The following TTC3 variants were observed in gnomAD, a reference collection of about 807,000 sequenced individuals.
TTC3 encodes the protein tetratricopeptide repeat domain 3.
In TTC3, 180 loss-of-function variants were observed where a neutral mutation model predicts 249.6. That is an observed-to-expected ratio of 0.72 (90% CI 0.64 to 0.82). TTC3 has a LOEUF of 0.82. Among genes scored for constraint, TTC3 ranks in the 40% least tolerant of loss-of-function variants. TTC3 has a pLI of 0.00. For missense variants in TTC3, 2,061 were observed against 2,398.4 expected, an observed-to-expected ratio of 0.86 and a Z score of 2.94; for synonymous variants, 717 against 805.0, an observed-to-expected ratio of 0.89 and a Z score of 1.85.
intron 23 of TTC3, 59 bp downstream of exon 23, chr21:37,148,706 C>T: frequency 8.7e-7 from 1 of 1,150,062 alleles, no homozygotes; most frequent in Non-Finnish European, 1.2e-6. Flanking sequence ...TCAATTTTTC[C>T]CCCAAGAATT....
At chr21:37,088,913 G>A (rs1195872354) in intron 5 of TTC3, 27 bp downstream of exon 5, 5 of 1,596,716 alleles carry the variant, frequency 3.1e-6, no homozygotes, top group Middle Eastern at 1.7e-4. Flanking sequence ...AGGTTCCCCC[G>A]AGCCCTTGGT....
chr21:37,088,018 C>A, intron 3 of TTC3, 143 bp downstream of exon 3: 1 of 959,866 alleles, frequency 1.0e-6, no homozygotes, highest in Non-Finnish European at 1.5e-6. Flanking sequence ...CAGAACTTTT[C>A]TTTGTTAAAA....
chr21:37,191,462 T>C (rs745653985), intron 40 of TTC3, 38 bp downstream of exon 40: 4 of 1,332,116 alleles, frequency 3.0e-6, no homozygotes, highest in Non-Finnish European at 4.1e-6. Context: ...TCAAAATCTT[T>C]ATGATAGTTA....
At chr21:37,170,196 A>G (rs1224171482) in intron 34 of TTC3, among the ~76,000 whole-genome samples, 1 of 152,226 alleles carries the variant, frequency 6.6e-6, no homozygotes, top group African/African-American at 2.4e-5. Flanking sequence ...ATCAAAACAC[A>G]GGAGAGAAAC....
At chr21:37,084,650 C>A (rs933750006) in intron 1 of TTC3, among the ~76,000 whole-genome samples, 3 of 152,184 alleles carry the variant, frequency 2.0e-5, no homozygotes, top group African/African-American at 7.2e-5. Flanking sequence ...AGAGTCTTGG[C>A]TGCAGAGTCC....
chr21:37,191,490 G>A, intron 40 of TTC3, 66 bp downstream of exon 40: 1 of 973,772 alleles, frequency 1.0e-6, no homozygotes, highest in Admixed American at 3.3e-5. Context: ...CGGGAGGCTG[G>A]TGTCATATTG....
chr21:37,163,111 G>GAC (rs1290653174), intron 31 of TTC3, among the ~76,000 whole-genome samples: 1 of 152,166 alleles, frequency 6.6e-6, no homozygotes, highest in African/African-American at 2.4e-5. Flanking sequence ...TTATGTATCA[G>GAC]ACATTGTTTT....
chr21:37,132,814 A>G, intron 17 of TTC3, 48 bp downstream of exon 17: 1 of 1,406,674 alleles, frequency 7.1e-7, no homozygotes, highest in Non-Finnish European at 9.8e-7. Context: ...CTTTGAACAA[A>G]ACATTGTTCA....
intron 23 of TTC3, 62 bp from the exon 24 acceptor site, chr21:37,150,016 G>A (rs1201640911): frequency 6.6e-6 from 8 of 1,205,352 alleles, no homozygotes; most frequent in Non-Finnish European, 9.6e-6. Context: ...TAGTATACGT[G>A]TATAGATTTA....
chr21:37,075,166 C>T (rs1279262224), intron 1 of TTC3, among the ~76,000 whole-genome samples: 19 of 138,286 alleles, frequency 1.4e-4, no homozygotes, highest in African/African-American at 1.1e-4. Flanking sequence ...TTGCAACTTG[C>T]TTTTTTTTTT....
At chr21:37,182,648 G>A (rs2082863719) in intron 35 of TTC3, 126 bp from the exon 36 acceptor site, 5 of 989,382 alleles carry the variant, frequency 5.1e-6, no homozygotes, top group African/African-American at 1.7e-5. Flanking sequence ...CGCCAGCTTG[G>A]GAGTGTGTTC....
At chr21:37,112,923 A>G (rs2075804048) in intron 11 of TTC3, among the ~76,000 whole-genome samples, 1 of 152,260 alleles carries the variant, frequency 6.6e-6, no homozygotes, top group Non-Finnish European at 1.5e-5. Context: ...GCATATAAAC[A>G]GAACCAATGA....
intron 32 of TTC3, among the ~76,000 whole-genome samples, chr21:37,164,541 T>C (rs1216167259): frequency 7.2e-5 from 11 of 152,052 alleles, no homozygotes; most frequent in Admixed American, 7.2e-4. Context: ...TTTCACCATG[T>C]TGGCCAGGCA....
intron 7 of TTC3, 60 bp from the exon 8 acceptor site, chr21:37,093,945 C>G (rs1201553317): frequency 2.8e-6 from 3 of 1,084,970 alleles, no homozygotes; most frequent in Non-Finnish European, 4.2e-6. Flanking sequence ...ATTATCAATA[C>G]CAATTTGTTT....
chr21:37,181,562 G>T (rs1445114791), intron 35 of TTC3, among the ~76,000 whole-genome samples: 1 of 152,254 alleles, frequency 6.6e-6, no homozygotes, highest in Non-Finnish European at 1.5e-5. Context: ...GATGTGGGAA[G>T]AACTGGTTCC....
rs1569030291 is a variant in TTC3, at chr21:37,140,652, AAG to A, written c.1752_1753del (p.Lys584AsnfsTer16). On this transcript the variant is annotated frameshift_variant, in exon 20 of 46. Transcript: ENST00000355666. LOFTEE classifies it high-confidence loss of function. Reference sequence around the variant, plus strand: ...TGCTTGGCCTACTGTGGAATTGGAAAAGTATATTTGAAAAAAAACAGGTTAGT... The same window carrying A: ...TGCTTGGCCTACTGTGGAATTGGAAATATATTTGAAAAAAAACAGGTTAGT... The A allele has an allele frequency of 6.2e-7, 1 of 1,609,816 alleles. No individual in the cohort carries two copies. Among genetic ancestry groups the A allele is most frequent in the East Asian group, 2.2e-5 (1 of 44,604 alleles).
At chr21:37,160,719 G>A (rs1212104030) in intron 29 of TTC3, 83 bp from the exon 30 acceptor site, 4 of 1,432,730 alleles carry the variant, frequency 2.8e-6, no homozygotes, top group Middle Eastern at 1.8e-4. Flanking sequence ...TGGCTAGTCT[G>A]TAAAAACTCA....
chr21:37,189,826 G>T (rs576377453), intron 39 of TTC3, among the ~76,000 whole-genome samples: 3 of 151,448 alleles, frequency 2.0e-5, no homozygotes, highest in Admixed American at 1.3e-4. Flanking sequence ...GATTACAGGA[G>T]TGCCTCCCAA....
In TTC3 at chr21:37,195,909, C is replaced by T. The variant is rs761319873; in HGVS notation, c.5452C>T (p.Arg1818Ter). The T allele has an allele frequency of 1.3e-5, 21 of 1,614,124 alleles. No individual in the cohort carries two copies. The highest frequency in any genetic ancestry group is 1.7e-5 in the Non-Finnish European group (20 of 1,180,040). ...GGCTGGCCAGGCAGCTCTGTCAGAA[C>T]GAAGCCCTGTGGCTGATCGGAAGCA... Residue 1818 changes from arginine (R) to a stop codon, truncating the protein, a stop_gained, in exon 42 of 46, where the codon CGA becomes TGA. Coordinates refer to ENST00000355666, the Ensembl canonical transcript of TTC3. LOFTEE classifies it high-confidence loss of function.
Sources: gnomAD v4.1 joint callset for allele counts (sites outside exome capture counted in the v4.1 genomes callset) on GRCh38, gnomAD v4.1.1 for gene constraint, MANE v1.5 for transcripts, NCBI Gene and HGNC (gene_info 2026-07-23, HGNC 2026-07-21) for gene names.